MZT2A: variants seen among roughly 807,000 people sequenced by gnomAD.
MZT2A encodes mitotic spindle organizing protein 2A.
Under a neutral mutation model 12.4 loss-of-function variants are expected in MZT2A, and 8 were observed. The observed-to-expected ratio is 0.64, with a 90% CI of 0.38 to 1.16. The LOEUF is 1.16. MZT2A is among the 50% of genes most tolerant of loss of function. The probability of loss-of-function intolerance (pLI) is 0.01; values close to 1 mark genes in which losing one functional copy is unlikely to be tolerated. For missense variants in MZT2A, 181 were observed against 223.6 expected (o/e 0.81, Z 1.22); for synonymous variants, 88 against 107.5 (o/e 0.82, Z 1.12).
chr2:131,484,879 G>A (rs6724844), intron 2 of MZT2A, among the ~76,000 whole-genome samples: 25,992 of 152,176 alleles, frequency 0.17, 4,065 homozygotes, highest in African/African-American at 0.42. Flanking sequence ...AGGCTCTCTC[G>A]GATGAAGACC....
chr2:131,474,514 A>C (rs1191989054), intron 2 of MZT2A, among the ~76,000 whole-genome samples: 1 of 145,594 alleles, frequency 6.9e-6, no homozygotes, highest in Non-Finnish European at 1.5e-5. Flanking sequence ...GGTTCAAGTG[A>C]TTATCCTACC....
At chr2:131,485,416 C>G (rs1679015527) in intron 2 of MZT2A, among the ~76,000 whole-genome samples, 1 of 152,182 alleles carries the variant, frequency 6.6e-6, no homozygotes, top group Non-Finnish European at 1.5e-5. Flanking sequence ...CCACCCCAGC[C>G]AAATTCCTTG....
intron 2 of MZT2A, among the ~76,000 whole-genome samples, chr2:131,477,576 C>A (rs1437728408): frequency 2.0e-5 from 3 of 150,784 alleles, no homozygotes; most frequent in African/African-American, 7.5e-5. Context: ...TCCAGCCCCC[C>A]AGTATCCCAC....
rs1218511191 is a variant in MZT2A, at chr2:131,492,011, G to T, written c.184C>A (p.Leu62Met). 2 of 1,537,448 alleles carry T rather than the reference G, an allele frequency of 1.3e-6. No homozygotes were observed. The highest frequency in any genetic ancestry group is 1.8e-6 in the Non-Finnish European group (2 of 1,142,666). ...AGGGGGGCCACGTTCAGCTTCAGCA[G>T]GTCCACCAGGATCCTGGCGGGGACA... ...DPDVFKILVD[L>M]LKLNVAPLAV... Residue 62 changes from leucine (L) to methionine (M), a missense_variant, in exon 2 of 3, where the codon CTG becomes ATG. Physicochemically the swap from Leu to Met is conservative, Grantham distance 15. Coordinates refer to ENST00000309451, the MANE Select transcript of MZT2A (RefSeq NM_001085365.2).
chr2:131,489,888 G>A (rs1679218558), intron 2 of MZT2A: 1 of 974,286 alleles, frequency 1.0e-6, no homozygotes, highest in African/African-American at 1.8e-5. Flanking sequence ...CCTCTGCCCT[G>A]AGAGCTAGGC....
rs1379030937 is a variant in MZT2A at position 131,487,979 on chromosome 2, C to G, written c.320-3761G>C. 3.3e-5 allele frequency among the ~76,000 whole-genome samples: 5 copies of G among 152,198 alleles called. No individual in the cohort carries two copies. The East Asian group carries it at 7.7e-4, about 23-fold the overall frequency. On this transcript the variant is annotated intron_variant, in intron 2 of 2. Coordinates refer to ENST00000309451, the MANE Select transcript of MZT2A (RefSeq NM_001085365.2). Reference sequence around the variant, plus strand: ...ATTGGGTCTCCCTGTGTTGCCCTGGCTAGTCCTGAACTGCTGAGCTCAAGA... The same window carrying G: ...ATTGGGTCTCCCTGTGTTGCCCTGGGTAGTCCTGAACTGCTGAGCTCAAGA...
chr2:131,476,566 G>A (rs1402927114), intron 2 of MZT2A, among the ~76,000 whole-genome samples: 1 of 152,198 alleles, frequency 6.6e-6, no homozygotes, highest in East Asian at 1.9e-4. Flanking sequence ...GGTGACGGGG[G>A]TTGGGGCTGT....
At chr2:131,483,441 T>C (rs968234756), downstream of MZT2A, among the ~76,000 whole-genome samples, 11 of 152,162 alleles carry the variant, frequency 7.2e-5, no homozygotes, top group African/African-American at 1.9e-4. Flanking sequence ...CCTCTGTGCG[T>C]ACACACAGCA....
At chr2:131,492,796 G>GGGC, upstream of MZT2A, 62 of 852,860 alleles carry the variant, frequency 7.3e-5, no homozygotes, top group Middle Eastern at 3.9e-4. Flanking sequence ...GGGGTGGGGG[G>GGGC]CACTAATCAA....
intron 3 of MZT2A, among the ~76,000 whole-genome samples, chr2:131,470,674 A>C (rs533311637): frequency 2.1e-4 from 31 of 150,134 alleles, no homozygotes; most frequent in African/African-American, 7.6e-4. Context: ...TGCAAAGGTG[A>C]ATAAAGCATT....
At chr2:131,486,701 T>C (rs531550957) in intron 2 of MZT2A, 21 of 152,108 alleles carry the variant, frequency 1.4e-4, no homozygotes, top group African/African-American at 5.1e-4. Flanking sequence ...TCACAGTTCA[T>C]TGCTGCCCGG....
At chr2:131,489,103 G>A (rs1243601148) in intron 2 of MZT2A, among the ~76,000 whole-genome samples, 3 of 152,126 alleles carry the variant, frequency 2.0e-5, no homozygotes, top group East Asian at 3.9e-4. Flanking sequence ...GGGCTCTGCT[G>A]ACCCTTCCTG....
upstream of MZT2A, chr2:131,493,265 GGCCGGGCAGGCTGGGGAGT>G: frequency 2.2e-6 from 3 of 1,341,170 alleles, no homozygotes; most frequent in East Asian, 9.0e-5. Context: ...GCTCTGCCCA[GGCCGGGCAGGCTGGGGAGT>G]GGAGGGCCCC....
chr2:131,490,264 G>C (rs1443576473), intron 2 of MZT2A: 1 of 955,826 alleles, frequency 1.0e-6, no homozygotes, highest in South Asian at 3.6e-5. Context: ...CCAGCACATG[G>C]CATCTGTGTG....
At chr2:131,476,185 G>A in intron 2 of MZT2A, 1 of 1,613,974 alleles carries the variant, frequency 6.2e-7, no homozygotes. Flanking sequence ...TTGGGCTGAA[G>A]CAGCGGAGTT....
chr2:131,491,518 T>TG (rs897730219), intron 2 of MZT2A: 2 of 410,672 alleles, frequency 4.9e-6, no homozygotes, highest in African/African-American at 4.2e-5. Context: ...CCTCCCGCCG[T>TG]GGGGTCCCAA....
downstream of MZT2A, among the ~76,000 whole-genome samples, chr2:131,483,456 T>C (rs1385255623): frequency 8.5e-5 from 13 of 152,162 alleles, no homozygotes; most frequent in Non-Finnish European, 1.8e-4. Context: ...ACAGCAACCC[T>C]GTCCCTCAGC....
At chr2:131,477,039 T>TTTC (rs1678699183) in intron 2 of MZT2A, among the ~76,000 whole-genome samples, 3 of 120,092 alleles carry the variant, frequency 2.5e-5, no homozygotes, top group African/African-American at 1.9e-4. Flanking sequence ...TTTTCTTTCT[T>TTTC]TTTTTTTTTT....
chr2:131,489,346 C>T (rs1243219201), intron 2 of MZT2A: 1 of 151,194 alleles, frequency 6.6e-6, no homozygotes, highest in Non-Finnish European at 1.5e-5. Context: ...AGATGGGCGC[C>T]ACCACCACGC....
Sources: allele counts gnomAD v4.1 joint callset (sites outside exome capture counted in the v4.1 genomes callset), GRCh38; gene constraint gnomAD v4.1.1; transcripts MANE v1.5; gene names NCBI Gene and HGNC (gene_info 2026-07-23, HGNC 2026-07-21).